Variants in CENPU observed in about 807,000 individuals in gnomAD.
CENPU encodes centromere protein U, also known as KSHV latent nuclear antigen interacting protein 1.
In CENPU, 46 loss-of-function variants were observed where a neutral mutation model predicts 56.7. The ratio of observed to expected loss-of-function variants is 0.81; its 90% CI spans 0.64 to 1.04. The LOEUF is 1.04. Ranked by LOEUF, CENPU falls within the 50% of genes least tolerant of loss-of-function variation. The pLI is 0.00. For synonymous variants in CENPU, 166 were observed against 163.0 expected (o/e 1.02, Z -0.14); for missense variants, 510 against 490.1 (o/e 1.04, Z -0.38).
At chr4:184,727,932 G>C (rs1340270297) in intron 3 of CENPU, among the ~76,000 whole-genome samples, 1 of 152,204 alleles carries the variant, frequency 6.6e-6, no homozygotes. Flanking sequence ...GTCCAGAAAT[G>C]GCAAATCTGT....
chr4:184,732,326 T>C (rs1337201136), intron 1 of CENPU, among the ~76,000 whole-genome samples: 1 of 152,108 alleles, frequency 6.6e-6, no homozygotes, highest in East Asian at 1.9e-4. Flanking sequence ...AGAGGGCTTG[T>C]TGAACAGGTT....
At position 184,734,077 on chromosome 4, in the gene CENPU, C is replaced by A; in HGVS notation, c.-15G>T. ...CGCGGGGCCATGGTGCCGCTCTCCG[C>A]TCTCGAGCGACTGGAAGCTCCCGCC... On this transcript the variant is annotated 5_prime_UTR_variant, in exon 1 of 13. Coordinates refer to ENST00000281453, the MANE Select transcript of CENPU (RefSeq NM_024629.4). 6.5e-7 allele frequency: 1 copy of A among 1,547,012 alleles called. No individual in the cohort carries two copies. Among genetic ancestry groups the A allele is most frequent in the Non-Finnish European group, 8.7e-7 (1 of 1,147,722 alleles).
Position 184,695,296 on chromosome 4 carries a change from G to A in CENPU, c.1249C>T (p.Gln417Ter), listed in dbSNP as rs747584229. Reference protein sequence around the residue: ...INHQLEKLLDQG With the variant: ...INHQLEKLLD ...TTAGTAGACTGCTCTTCTCATCCCTGGTCAAGGAGCTTCTCTAACTGATGG... is the reference window on the plus strand; with the variant it reads ...TTAGTAGACTGCTCTTCTCATCCCTAGTCAAGGAGCTTCTCTAACTGATGG... Residue 417 changes from glutamine (Q) to a stop codon, truncating the protein, a stop_gained, in exon 13 of 13, where the codon CAG (glutamine) becomes TAG (stop). Transcript: ENST00000281453. LOFTEE classifies it high-confidence loss of function. 3.1e-6 allele frequency: 5 copies of A among 1,610,790 alleles called. No homozygotes were observed. In the Admixed American group the frequency reaches 8.3e-5, roughly 27 times the overall value.
chr4:184,721,944 G>A (rs943745421), intron 4 of CENPU, among the ~76,000 whole-genome samples: 3 of 152,284 alleles, frequency 2.0e-5, no homozygotes, highest in South Asian at 2.1e-4. Flanking sequence ...GGCAGAATAC[G>A]CATTCTTCTC....
chr4:184,709,221 G>A (rs1336229626), intron 8 of CENPU, among the ~76,000 whole-genome samples: 3 of 152,164 alleles, frequency 2.0e-5, no homozygotes, highest in African/African-American at 7.2e-5. Context: ...GGGTGCAGTG[G>A]CTCACGTCTA....
intron 4 of CENPU, among the ~76,000 whole-genome samples, chr4:184,718,303 T>C (rs751757204): frequency 3.4e-4 from 51 of 152,236 alleles, no homozygotes; most frequent in Admixed American, 1.1e-3. Context: ...TTCAGAACCG[T>C]AGGCACTGCA....
chr4:184,706,356 GT>G (rs1285149617), intron 8 of CENPU, among the ~76,000 whole-genome samples: 1 of 152,064 alleles, frequency 6.6e-6, no homozygotes, highest in Non-Finnish European at 1.5e-5. Flanking sequence ...GTTTTGTTTT[GT>G]TTTTTAAATA....
intron 1 of CENPU, chr4:184,733,326 C>G (rs902715249): frequency 1.0e-6 from 1 of 986,286 alleles, no homozygotes; most frequent in African/African-American, 1.7e-5. Flanking sequence ...TTCCCAGGCC[C>G]GGGGGAACTC....
chr4:184,694,866 T>TA lies in CENPU; in HGVS notation c.*421dup, dbSNP rs1163880984. Reference sequence around the variant, plus strand: ...ATAAATATATCATTCAACCTGTTTATATAAACTAAGTTTTATTACTTTGCT... The same window carrying TA: ...ATAAATATATCATTCAACCTGTTTATAATAAACTAAGTTTTATTACTTTGCT... On this transcript the variant is annotated 3_prime_UTR_variant, in exon 13 of 13. Transcript: ENST00000281453. The TA allele has an allele frequency of 1.1e-5, 13 of 1,162,688 alleles. No homozygotes were observed. Among genetic ancestry groups the TA allele is most frequent in the South Asian group, 1.6e-5 (1 of 61,380 alleles). 72.0% of individuals were successfully genotyped at this position (1,162,688 alleles called of 1,614,324 possible).
At chr4:184,701,300 C>T (rs1215122383) in intron 10 of CENPU, among the ~76,000 whole-genome samples, 1 of 152,158 alleles carries the variant, frequency 6.6e-6, no homozygotes, top group East Asian at 1.9e-4. Context: ...CTTTTAGTGA[C>T]TACCTAATTC....
chr4:184,719,313 T>C (rs952415712), intron 4 of CENPU, among the ~76,000 whole-genome samples: 2 of 152,196 alleles, frequency 1.3e-5, no homozygotes, highest in African/African-American at 4.8e-5. Flanking sequence ...CAGCAGTGGC[T>C]GCGTGGCACA....
intron 3 of CENPU, among the ~76,000 whole-genome samples, chr4:184,726,061 C>A (rs760515892): frequency 6.6e-6 from 1 of 152,156 alleles, no homozygotes; most frequent in African/African-American, 2.4e-5. Flanking sequence ...CAAACTTCAA[C>A]ATTTTTTCAA....
chr4:184,695,434 CA>C, intron 12 of CENPU, 33 bp from the exon 13 acceptor site: 2 of 1,478,546 alleles, frequency 1.4e-6, no homozygotes, highest in Non-Finnish European at 9.4e-7. Context: ...TTAGCAATAT[CA>C]AAAACTCATA....
chr4:184,694,551 T>C lies in CENPU; in HGVS notation c.*737A>G, dbSNP rs746562224. 2.2e-5 allele frequency: 36 copies of C among 1,612,660 alleles called. No homozygotes were observed. Among genetic ancestry groups the C allele is most frequent in the Non-Finnish European group, 2.5e-5 (30 of 1,179,846 alleles). ...AAGAGTTTACAACAGATGAAGCAGA[T>C]GAAACTAGGAGCAATGAAACCCAGA... On this transcript the variant is annotated 3_prime_UTR_variant, in exon 13 of 13. Transcript: ENST00000281453.
chr4:184,695,513 C>A (rs560255156), intron 12 of CENPU, 112 bp from the exon 13 acceptor site: 115 of 647,278 alleles, frequency 1.8e-4, no homozygotes, highest in Middle Eastern at 1.1e-3. Flanking sequence ...ATTAACTACT[C>A]CTCCTCTCAT....
intron 8 of CENPU, 75 bp downstream of exon 8, chr4:184,709,997 A>C (rs1444006937): frequency 4.8e-6 from 3 of 629,592 alleles, no homozygotes; most frequent in Middle Eastern, 6.0e-4. Flanking sequence ...ACATAACAAA[A>C]ACTGTAGGAT....
At chr4:184,721,581 A>T (rs755594840) in intron 4 of CENPU, among the ~76,000 whole-genome samples, 20 of 152,220 alleles carry the variant, frequency 1.3e-4, no homozygotes, top group Non-Finnish European at 2.8e-4. Flanking sequence ...GTCAATGGAA[A>T]CCAAAAAGAG....
intron 3 of CENPU, among the ~76,000 whole-genome samples, chr4:184,727,111 G>A (rs1321196584): frequency 5.1e-5 from 5 of 98,920 alleles, no homozygotes; most frequent in Admixed American, 4.7e-4. Flanking sequence ...GGAAGACTTC[G>A]TCTCCAAAAA....
rs191895732 is a variant in CENPU, at chr4:184,718,605, C to T, written c.321-1409G>A. The stretch of plus-strand genomic sequence containing the variant: ...ACAAGGAGGCCAGACAGGAAACTAC[C>T]GCAGGAACGCTGGTGAGAGTGAGGT... On this transcript the variant is annotated intron_variant, in intron 4 of 12. Coordinates refer to ENST00000281453, the MANE Select transcript of CENPU (RefSeq NM_024629.4). Among the ~76,000 whole-genome samples, 233 of 152,278 alleles carry T rather than the reference C, an allele frequency of 1.5e-3. 2 individuals carry two copies. The South Asian group carries it at 0.016, about 10-fold the overall frequency.
Sources: allele counts gnomAD v4.1 joint callset (sites outside exome capture counted in the v4.1 genomes callset), GRCh38; gene constraint gnomAD v4.1.1; transcripts MANE v1.5; gene names NCBI Gene and HGNC (gene_info 2026-07-23, HGNC 2026-07-21).